The following STK3 variants were observed in gnomAD, a reference collection of about 807,000 sequenced individuals.
STK3 encodes serine/threonine-protein kinase 3.
A neutral mutation model predicts 58.0 loss-of-function variants in STK3; 41 were observed. The ratio of observed to expected loss-of-function variants is 0.71; its 90% CI spans 0.55 to 0.92. The LOEUF (loss-of-function observed/expected upper bound fraction) is 0.92. Ranked by LOEUF, STK3 falls within the 40% of genes least tolerant of loss-of-function variation. The pLI is 0.00. For synonymous variants in STK3, 170 were observed against 191.0 expected (o/e 0.89, Z 0.91); for missense variants, 479 against 602.7 (o/e 0.79, Z 2.15).
intron 1 of STK3, among the ~76,000 whole-genome samples, chr8:98,884,196 T>A (rs1367937198): frequency 6.6e-6 from 1 of 152,188 alleles, no homozygotes; most frequent in African/African-American, 2.4e-5. Context: ...TTCCTATATA[T>A]GTGATCTATT....
At chr8:98,517,552 T>C (rs1019394281) in intron 10 of STK3, among the ~76,000 whole-genome samples, 2 of 152,098 alleles carry the variant, frequency 1.3e-5, no homozygotes, top group African/African-American at 4.8e-5. Flanking sequence ...GAAAGATTTC[T>C]GATAGTGAAC....
chr8:98,373,495 C>T (rs973659982), intron 2 of STK3, among the ~76,000 whole-genome samples: 4 of 152,170 alleles, frequency 2.6e-5, no homozygotes, highest in Non-Finnish European at 5.9e-5. Flanking sequence ...GCTAAATGTT[C>T]TTACTGGATC....
chr8:98,481,317 C>T (rs958010786), intron 10 of STK3, among the ~76,000 whole-genome samples: 24 of 151,908 alleles, frequency 1.6e-4, no homozygotes, highest in African/African-American at 5.3e-4. Context: ...TACTGTGGCA[C>T]AATTCACAGT....
intron 6 of STK3, among the ~76,000 whole-genome samples, chr8:98,657,441 T>C (rs1327859967): frequency 1.3e-5 from 2 of 151,994 alleles, no homozygotes; most frequent in African/African-American, 2.4e-5. Flanking sequence ...GCCATTTCAG[T>C]AGATAATGAA....
At chr8:98,867,448 G>A (rs1226801696) in intron 3 of STK3, among the ~76,000 whole-genome samples, 1 of 152,114 alleles carries the variant, frequency 6.6e-6, no homozygotes, top group Non-Finnish European at 1.5e-5. Context: ...GGAAACTGAG[G>A]CTTGGGATGT....
chr8:98,428,070 C>G lies in STK3; in HGVS notation n.483+6057G>C. On this transcript the variant is annotated intron_variant and non_coding_transcript_variant, in intron 3 of 3. Transcript: ENST00000517832. This position sits in a 1 kb window ranked among gnomAD's most constrained non-coding sequence, Gnocchi z 6.7. The stretch of plus-strand genomic sequence containing the variant: ...TGTGGGCGGCTTCAAGAGGAGGCTG[C>G]GCTCGCACACGCTGCTGCGCTTCCC... 1.2e-6 allele frequency: 2 copies of G among 1,613,336 alleles called. No homozygotes were observed. Among genetic ancestry groups the G allele is most frequent in the Non-Finnish European group, 1.7e-6 (2 of 1,179,702 alleles).
At chr8:98,699,636 C>T (rs1825359584) in intron 6 of STK3, among the ~76,000 whole-genome samples, 1 of 152,244 alleles carries the variant, frequency 6.6e-6, no homozygotes, top group African/African-American at 2.4e-5. Context: ...ACTCCAGACT[C>T]GGTTTGCCTG....
At chr8:98,380,250 T>C (rs941687345) in intron 1 of STK3, among the ~76,000 whole-genome samples, 1 of 152,210 alleles carries the variant, frequency 6.6e-6, no homozygotes, top group Non-Finnish European at 1.5e-5. Context: ...AACAATAATG[T>C]ATTGTACACT....
intron 1 of STK3, among the ~76,000 whole-genome samples, chr8:98,778,314 T>A (rs916600546): frequency 3.2e-4 from 49 of 151,920 alleles, no homozygotes; most frequent in African/African-American, 1.2e-3. Context: ...GAAATGCAAA[T>A]CAAAACCACA....
At chr8:98,443,221 T>C (rs2131100790) in intron 1 of STK3, among the ~76,000 whole-genome samples, 1 of 152,326 alleles carries the variant, frequency 6.6e-6, no homozygotes, top group East Asian at 1.9e-4. Flanking sequence ...ATTCAGGAAA[T>C]ACAGCAGTAT....
chr8:98,401,418 T>A (rs1232758260), exon 4 of STK3: 1 of 152,242 alleles, frequency 6.6e-6, no homozygotes, highest in Non-Finnish European at 1.5e-5. Flanking sequence ...AGTGTTTTTT[T>A]AATGTAGCAA....
At chr8:98,607,218 G>T (rs1816848013) in intron 6 of STK3, among the ~76,000 whole-genome samples, 1 of 152,192 alleles carries the variant, frequency 6.6e-6, no homozygotes, top group South Asian at 2.1e-4. Flanking sequence ...TTCTCTAACA[G>T]CTTTTCTCTA....
rs573789838 is a variant in STK3, at chr8:98,554,424, A to G, written c.949-6263T>C. ...ACATAACATCTGATTGGTATAAAAT[A>G]GTCCTTAGCCTCCCTATATTCTACA... On this transcript the variant is annotated intron_variant, in intron 8 of 10. Transcript: ENST00000419617. Among the ~76,000 whole-genome samples, 190 of 152,182 alleles carry G rather than the reference A, an allele frequency of 1.2e-3. 1 individual carries two copies. The highest frequency in any genetic ancestry group is 2.1e-3 in the Non-Finnish European group (142 of 68,026).
At chr8:98,836,061 C>T (rs941770000) in intron 3 of STK3, among the ~76,000 whole-genome samples, 8 of 152,046 alleles carry the variant, frequency 5.3e-5, no homozygotes, top group African/African-American at 1.9e-4. Context: ...ATTAGCCGGG[C>T]GCAGTGGTGG....
intron 4 of STK3, among the ~76,000 whole-genome samples, chr8:98,707,629 T>C (rs1826057431): frequency 6.6e-6 from 1 of 152,178 alleles, no homozygotes; most frequent in East Asian, 1.9e-4. Flanking sequence ...GGTCTTGAAC[T>C]CTTTGCTTCA....
chr8:98,799,083 T>G (rs770561848), intron 1 of STK3, among the ~76,000 whole-genome samples: 3 of 152,190 alleles, frequency 2.0e-5, no homozygotes, highest in Non-Finnish European at 2.9e-5. Context: ...TTACCCAGTC[T>G]ATGGCATTTT....
At chr8:98,648,414 T>C (rs1820577801) in intron 6 of STK3, among the ~76,000 whole-genome samples, 1 of 152,224 alleles carries the variant, frequency 6.6e-6, no homozygotes, top group African/African-American at 2.4e-5. Context: ...AGATCCTTGC[T>C]TTGAAAAATG....
intron 3 of STK3, among the ~76,000 whole-genome samples, chr8:98,750,751 A>G (rs1466701492): frequency 2.6e-5 from 4 of 152,212 alleles, no homozygotes; most frequent in Non-Finnish European, 5.9e-5. Context: ...AACTCATCCT[A>G]TGAAGCCAGC....
chr8:98,803,050 A>G (rs1301391643), intron 1 of STK3, among the ~76,000 whole-genome samples: 1 of 152,316 alleles, frequency 6.6e-6, no homozygotes, highest in East Asian at 1.9e-4. Context: ...ATTCCAGACA[A>G]CAGGGTTTCC....
Sources: gnomAD v4.1 joint callset for allele counts (sites outside exome capture counted in the v4.1 genomes callset) on GRCh38, gnomAD v4.1.1 for gene constraint, Gnocchi (gnomAD v3.1) non-coding constraint, MANE v1.5 for transcripts, NCBI Gene and HGNC (gene_info 2026-07-23, HGNC 2026-07-21) for gene names.